ADAMTSL1: variants seen among roughly 807,000 people sequenced by gnomAD.
ADAMTSL1 encodes ADAMTS-like protein 1.
ADAMTSL1 carries 126 observed loss-of-function variants against 201.8 expected under a neutral mutation model. The ratio of observed to expected loss-of-function variants is 0.62; its 90% CI spans 0.54 to 0.72. The LOEUF (loss-of-function observed/expected upper bound fraction) is 0.72, where lower values mean the gene tolerates loss of function less well. ADAMTSL1 is among the 30% of genes least tolerant of loss of function. The probability of loss-of-function intolerance (pLI) is 0.00; values close to 1 mark genes in which losing one functional copy is unlikely to be tolerated. For missense variants in ADAMTSL1, 2,679 were observed against 2,277.8 expected (o/e 1.18, Z -3.59); for synonymous variants, 1,121 against 903.4 (o/e 1.24, Z -4.32).
chr9:18,629,775 G>C (rs527476921), intron 5 of ADAMTSL1, among the ~76,000 whole-genome samples: 1 of 152,066 alleles, frequency 6.6e-6, no homozygotes, highest in Admixed American at 6.6e-5. Flanking sequence ...GTAATTGCTT[G>C]TCTTCTTTTT....
intron 2 of ADAMTSL1, among the ~76,000 whole-genome samples, chr9:18,215,744 G>C (rs1830034355): frequency 6.6e-6 from 1 of 152,182 alleles, no homozygotes; most frequent in Non-Finnish European, 1.5e-5. Context: ...CAGATGCCAA[G>C]GCCAACTTGT....
chr9:18,173,678 C>G (rs78930758), intron 2 of ADAMTSL1, among the ~76,000 whole-genome samples: 4,910 of 152,096 alleles, frequency 0.032, 105 homozygotes, highest in Non-Finnish European at 0.047. Context: ...GCATTAAAAG[C>G]CCCAACACTA....
chr9:18,281,938 G>T (rs1439106240), intron 2 of ADAMTSL1, among the ~76,000 whole-genome samples: 1 of 152,010 alleles, frequency 6.6e-6, no homozygotes, highest in Non-Finnish European at 1.5e-5. Flanking sequence ...TTTCTTCTTT[G>T]ACCCGTAGGT....
At chr9:18,317,824 G>T (rs1363429554) in intron 2 of ADAMTSL1, among the ~76,000 whole-genome samples, 4 of 152,196 alleles carry the variant, frequency 2.6e-5, no homozygotes, top group African/African-American at 9.6e-5. Context: ...TCCCCTGTTA[G>T]AAAGTAAACT....
In ADAMTSL1 at chr9:18,290,787, T is replaced by TTG. The variant is rs1554651164; in HGVS notation, c.207+126807_207+126808insGT. Among the ~76,000 whole-genome samples, 651 of 146,168 alleles carry TTG rather than the reference T, an allele frequency of 4.5e-3. 6 individuals are homozygous for TTG. Among genetic ancestry groups the TTG allele is most frequent in the East Asian group, 5.5e-3 (27 of 4,900 alleles). On this transcript the variant is annotated intron_variant, in intron 2 of 29. Coordinates refer to the ADAMTSL1 transcript ENST00000680146. ...AAGCTGGCTTTTTTTGTGTGTTTTT[T>TTG]TTTTTTTTTTTTGAGGCAGAGTCTC...
At chr9:18,132,496 T>A (rs1399306601) in intron 1 of ADAMTSL1, among the ~76,000 whole-genome samples, 2 of 152,156 alleles carry the variant, frequency 1.3e-5, no homozygotes, top group Non-Finnish European at 2.9e-5. Context: ...TTTAATGGGC[T>A]CTTCAGGGTG....
intron 2 of ADAMTSL1, among the ~76,000 whole-genome samples, chr9:18,200,413 G>A (rs538125925): frequency 1.3e-5 from 2 of 152,046 alleles, no homozygotes; most frequent in East Asian, 3.9e-4. Flanking sequence ...ATACCAAAGG[G>A]ATTATTATGC....
At chr9:18,272,788 C>T (rs1442970154) in intron 2 of ADAMTSL1, among the ~76,000 whole-genome samples, 1 of 152,134 alleles carries the variant, frequency 6.6e-6, no homozygotes, top group Non-Finnish European at 1.5e-5. Context: ...ACCATTTTTT[C>T]CACTCAATTT....
chr9:18,715,108 A>G (rs535558690), intron 14 of ADAMTSL1, among the ~76,000 whole-genome samples: 41 of 132,012 alleles, frequency 3.1e-4, no homozygotes, highest in Non-Finnish European at 5.4e-4. Flanking sequence ...AGAGCTATCT[A>G]TGACAAACCC....
rs768341350 is a variant in ADAMTSL1, at chr9:18,574,193, T to G, written c.401T>G (p.Leu134Arg). ...QAKGTTLVVELAPKVLDGTRC... is the reference protein window; with the variant it reads ...QAKGTTLVVERAPKVLDGTRC... ...AAAGGAACAACCCTGGTTGTTGAAC[T>G]AGCACCTAAGGTCTTAGATGGTACG... The change falls in exon 4 of 29, where the codon CTA (leucine) becomes CGA (arginine). Residue 134 changes from leucine (L) to arginine (R), a missense_variant. Leu to Arg is a moderately radical substitution (Grantham distance 102). Coordinates refer to ENST00000380548, the MANE Select transcript of ADAMTSL1 (RefSeq NM_001040272.6). 1 of 1,614,172 alleles carries G rather than the reference T, an allele frequency of 6.2e-7. No individual in the cohort carries two copies. Among genetic ancestry groups the G allele is most frequent in the South Asian group, 1.1e-5 (1 of 91,086 alleles).
At chr9:17,908,985 G>C (rs1487597304) in intron 1 of ADAMTSL1, among the ~76,000 whole-genome samples, 2 of 150,940 alleles carry the variant, frequency 1.3e-5, no homozygotes, top group East Asian at 3.9e-4. Flanking sequence ...AGCACCTGTT[G>C]TTTCCTGACT....
chr9:17,947,349 CA>C (rs1827543564), intron 1 of ADAMTSL1, among the ~76,000 whole-genome samples: 1 of 144,806 alleles, frequency 6.9e-6, no homozygotes, highest in Non-Finnish European at 1.5e-5. Context: ...ACACACACCC[CA>C]CTATGCACTT....
rs559028947 is a variant in ADAMTSL1 at position 18,258,255 on chromosome 9, T to G, written c.207+94274T>G. Among the ~76,000 whole-genome samples the G allele has an allele frequency of 5.9e-5, 9 of 152,342 alleles. No individual in the cohort carries two copies. In the South Asian group the frequency reaches 1.9e-3, roughly 32 times the overall value. On this transcript the variant is annotated intron_variant, in intron 2 of 29. Coordinates refer to the ADAMTSL1 transcript ENST00000680146. Reference sequence around the variant, plus strand: ...TAATAAAAGAACAACCAGAGTTCCTTTCTCAAACAAGATGCGTACGCAAGA... The same window carrying G: ...TAATAAAAGAACAACCAGAGTTCCTGTCTCAAACAAGATGCGTACGCAAGA...
intron 3 of ADAMTSL1, among the ~76,000 whole-genome samples, chr9:18,547,731 T>C (rs937381705): frequency 3.1e-4 from 47 of 150,674 alleles, no homozygotes; most frequent in Admixed American, 3.0e-3. Flanking sequence ...TAGACATAGA[T>C]ACCATATCAT....
chr9:18,651,199 A>T (rs761929614), intron 7 of ADAMTSL1: 1 of 152,118 alleles, frequency 6.6e-6, no homozygotes, highest in African/African-American at 2.4e-5. Context: ...ATTATTAGAG[A>T]TGATCTGGCC....
At chr9:18,168,991 A>G (rs1827763640) in intron 2 of ADAMTSL1, among the ~76,000 whole-genome samples, 1 of 149,172 alleles carries the variant, frequency 6.7e-6, no homozygotes, top group Non-Finnish European at 1.5e-5. Context: ...TTTCTTGTAA[A>G]TTTGTTTGAG....
chr9:17,970,026 T>A (rs2131423368), intron 1 of ADAMTSL1, among the ~76,000 whole-genome samples: 1 of 152,202 alleles, frequency 6.6e-6, no homozygotes, highest in East Asian at 1.9e-4. Flanking sequence ...GTCTCTTTTA[T>A]CAGCCTTGAA....
chr9:18,049,674 AGTGCAGCG>A (rs1821837535), intron 1 of ADAMTSL1, among the ~76,000 whole-genome samples: 1 of 150,292 alleles, frequency 6.7e-6, no homozygotes, highest in African/African-American at 2.5e-5. Context: ...CCCAGGCTGC[AGTGCAGCG>A]GTGCCATCTT....
intron 2 of ADAMTSL1, among the ~76,000 whole-genome samples, chr9:18,384,921 A>G (rs1030164621): frequency 2.8e-4 from 42 of 152,290 alleles, no homozygotes; most frequent in African/African-American, 9.6e-4. Context: ...AACATCTTGC[A>G]GAGAACTGCC....
Sources: gnomAD v4.1 joint callset for allele counts (sites outside exome capture counted in the v4.1 genomes callset) on GRCh38, gnomAD v4.1.1 for gene constraint, MANE v1.5 for transcripts, NCBI Gene and HGNC (gene_info 2026-07-23, HGNC 2026-07-21) for gene names.